AFG1L: variants seen among roughly 807,000 people sequenced by gnomAD.
The protein encoded by AFG1L is AFG1-like ATPase.
A neutral mutation model predicts 62.2 loss-of-function variants in AFG1L; 53 were observed. That is an observed-to-expected ratio of 0.85 (90% CI 0.68 to 1.07). The LOEUF is 1.07. Ranked by LOEUF, AFG1L falls within the 50% of genes least tolerant of loss-of-function variation. The probability of loss-of-function intolerance (pLI) is 0.00; values close to 1 mark genes in which losing one functional copy is unlikely to be tolerated. For missense variants in AFG1L, 555 were observed against 590.5 expected (o/e 0.94, Z 0.62); for synonymous variants, 228 against 210.3 (o/e 1.08, Z -0.73).
At chr6:108,500,247 G>T (rs970095538) in intron 10 of AFG1L, among the ~76,000 whole-genome samples, 1 of 149,050 alleles carries the variant, frequency 6.7e-6, no homozygotes, top group African/African-American at 2.5e-5. Flanking sequence ...TGATCTGCCT[G>T]CCTCGGCCTC....
chr6:108,410,486 T>G (rs1298294351), intron 7 of AFG1L, among the ~76,000 whole-genome samples: 1 of 151,884 alleles, frequency 6.6e-6, no homozygotes, highest in East Asian at 1.9e-4. Flanking sequence ...CTAAATTCAG[T>G]TTTTTAAAAA....
intron 8 of AFG1L, among the ~76,000 whole-genome samples, chr6:108,459,316 A>G (rs2114776261): frequency 6.6e-6 from 1 of 152,244 alleles, no homozygotes; most frequent in Non-Finnish European, 1.5e-5. Flanking sequence ...AGCCTCCTAA[A>G]TGCTGAGTGT....
chr6:108,372,107 G>GTA lies in AFG1L; in HGVS notation c.748+5789_748+5790dup, dbSNP rs968973465. ...TTCTAGTAGTAGTACTATTATGTAT[G>GTA]TATATATATATATATTTCACTTTAT... On this transcript the variant is annotated intron_variant, in intron 6 of 12. Transcript: ENST00000368977. Among the ~76,000 whole-genome samples, 1,039 of 149,578 alleles carry GTA rather than the reference G, an allele frequency of 6.9e-3. 9 individuals are homozygous for GTA. The highest frequency in any genetic ancestry group is 0.021 in the African/African-American group (864 of 40,918).
intron 10 of AFG1L, among the ~76,000 whole-genome samples, chr6:108,478,877 TTCA>T (rs1365906484): frequency 6.6e-5 from 10 of 152,184 alleles, no homozygotes; most frequent in Admixed American, 2.0e-4. Context: ...AACCAAAATC[TTCA>T]GTTTATTTAC....
At chr6:108,402,314 T>A (rs1285379157) in intron 7 of AFG1L, among the ~76,000 whole-genome samples, 1 of 149,746 alleles carries the variant, frequency 6.7e-6, no homozygotes, top group East Asian at 1.9e-4. Context: ...GATACAAAAA[T>A]TAGCTGGGTG....
At chr6:108,492,393 A>G (rs895442942) in intron 10 of AFG1L, among the ~76,000 whole-genome samples, 8 of 152,236 alleles carry the variant, frequency 5.3e-5, no homozygotes, top group Admixed American at 2.6e-4. Flanking sequence ...ACTGATTTCA[A>G]TGATTATGGT....
At chr6:108,352,218 C>T (rs1205102050) in intron 3 of AFG1L, among the ~76,000 whole-genome samples, 1 of 152,122 alleles carries the variant, frequency 6.6e-6, no homozygotes, top group African/African-American at 2.4e-5. Flanking sequence ...TTCTTCAGTA[C>T]CTTATATAAA....
chr6:108,399,931 A>T (rs1781494928), intron 6 of AFG1L, among the ~76,000 whole-genome samples: 1 of 150,722 alleles, frequency 6.6e-6, no homozygotes, highest in Non-Finnish European at 1.5e-5. Context: ...GGCACATGCC[A>T]CCACGCCTGG....
At chr6:108,371,617 A>T (rs1780012236) in intron 6 of AFG1L, among the ~76,000 whole-genome samples, 1 of 151,352 alleles carries the variant, frequency 6.6e-6, no homozygotes, top group Admixed American at 6.6e-5. Flanking sequence ...CTCCCACCTT[A>T]GCCTCCCAAA....
chr6:108,357,172 C>A (rs1779325528), intron 5 of AFG1L, among the ~76,000 whole-genome samples: 1 of 136,760 alleles, frequency 7.3e-6, no homozygotes, highest in Non-Finnish European at 1.6e-5. Context: ...ATTATAACCT[C>A]AAACTCCTGG....
intron 2 of AFG1L, among the ~76,000 whole-genome samples, chr6:108,331,334 G>T (rs1418883065): frequency 2.0e-5 from 3 of 152,060 alleles, no homozygotes; most frequent in African/African-American, 7.2e-5. Context: ...ACTTCATTAT[G>T]GTGGACTTAT....
chr6:108,452,980 C>T (rs1772112882), intron 8 of AFG1L, among the ~76,000 whole-genome samples: 1 of 152,148 alleles, frequency 6.6e-6, no homozygotes. Flanking sequence ...TGGTTAGGGC[C>T]TCGCATTCTT....
At chr6:108,508,728 T>A (rs1774520622) in intron 10 of AFG1L, among the ~76,000 whole-genome samples, 1 of 152,172 alleles carries the variant, frequency 6.6e-6, no homozygotes, top group Non-Finnish European at 1.5e-5. Context: ...TTTCAGCTGG[T>A]TGGTAGGAGA....
chr6:108,303,290 TC>T (rs955579193), intron 1 of AFG1L, among the ~76,000 whole-genome samples: 2 of 152,172 alleles, frequency 1.3e-5, no homozygotes, highest in African/African-American at 2.4e-5. Context: ...CAAGCTATCC[TC>T]CTGCCTTGGC....
At chr6:108,519,153 G>T (rs544790349) in intron 11 of AFG1L, among the ~76,000 whole-genome samples, 9 of 152,314 alleles carry the variant, frequency 5.9e-5, no homozygotes, top group African/African-American at 2.2e-4. Context: ...TGCCACCAGA[G>T]GGCACAAATG....
chr6:108,329,819 A>G (rs1778200111), intron 2 of AFG1L, among the ~76,000 whole-genome samples: 1 of 152,038 alleles, frequency 6.6e-6, no homozygotes, highest in South Asian at 2.1e-4. Flanking sequence ...TTCTGGTGCT[A>G]TGGTTCGAAT....
At chr6:108,497,180 A>T (rs1774002357) in intron 10 of AFG1L, among the ~76,000 whole-genome samples, 1 of 152,180 alleles carries the variant, frequency 6.6e-6, no homozygotes, top group South Asian at 2.1e-4. Flanking sequence ...TTTCAGGAAC[A>T]ACTAAACTGA....
At chr6:108,473,327 A>G (rs1772978886) in intron 8 of AFG1L, among the ~76,000 whole-genome samples, 1 of 152,208 alleles carries the variant, frequency 6.6e-6, no homozygotes, top group South Asian at 2.1e-4. Flanking sequence ...CCATAGAGTA[A>G]TAAAGAAATC....
intron 6 of AFG1L, among the ~76,000 whole-genome samples, chr6:108,383,266 G>T (rs1376205463): frequency 1.3e-5 from 2 of 151,940 alleles, no homozygotes; most frequent in Non-Finnish European, 2.9e-5. Flanking sequence ...AAATTAAAAA[G>T]GTGAAAGAAT....
Sources: allele counts gnomAD v4.1 joint callset (sites outside exome capture counted in the v4.1 genomes callset), GRCh38; gene constraint gnomAD v4.1.1; transcripts MANE v1.5; gene names NCBI Gene and HGNC (gene_info 2026-07-23, HGNC 2026-07-21).